The following JARID2 variants were observed in gnomAD, a reference collection of about 807,000 sequenced individuals.
The protein encoded by JARID2 is jumonji and AT-rich interaction domain containing 2.
Under a neutral mutation model 125.6 loss-of-function variants are expected in JARID2, and 21 were observed. The observed-to-expected ratio is 0.17, with a 90% confidence interval of 0.12 to 0.24. The LOEUF is 0.24. Ranked by LOEUF, JARID2 falls within the 10% of genes least tolerant of loss-of-function variation. The probability of loss-of-function intolerance (pLI) is 1.00; values close to 1 mark genes in which losing one functional copy is unlikely to be tolerated. For missense variants in JARID2, 1,303 were observed against 1,639.6 expected (o/e 0.79, Z 3.55); for synonymous variants, 736 against 661.6 (o/e 1.11, Z -1.73).
intron 1 of JARID2, among the ~76,000 whole-genome samples, chr6:15,290,432 T>G (rs794778): frequency 0.13 from 19,141 of 152,182 alleles, 1,221 homozygotes; most frequent in Non-Finnish European, 0.13. Context: ...AAAGTAGTCT[T>G]TGTTGAGGAT....
intron 1 of JARID2, among the ~76,000 whole-genome samples, chr6:15,323,986 T>G (rs1486831621): frequency 2.7e-5 from 4 of 150,626 alleles, no homozygotes; most frequent in African/African-American, 9.8e-5. Flanking sequence ...ATCGAGACCA[T>G]CCTGGCTAAC....
At position 15,496,405 on chromosome 6, in the gene JARID2, G is replaced by A. The variant is rs768784464; in HGVS notation, c.1180G>A (p.Gly394Arg). 18 of 1,613,710 alleles carry A rather than the reference G, an allele frequency of 1.1e-5. No individual in the cohort carries two copies. The highest frequency in any genetic ancestry group is 1.4e-5 in the Non-Finnish European group (16 of 1,179,872). ...AACCCGCAAACAGGTGCTATCCCTC[G>A]GGGGGGCGTCCAAGTCCACTGGGCC... ...AKTRKQVLSL[G>R]GASKSTGPAV... The change falls in exon 7 of 18, where the codon GGG becomes AGG. Residue 394 changes from glycine (G) to arginine (R), a missense_variant. Coordinates refer to ENST00000341776, the MANE Select transcript of JARID2 (RefSeq NM_004973.4).
intron 1 of JARID2, among the ~76,000 whole-genome samples, chr6:15,335,077 C>T (rs1378050440): frequency 1.3e-5 from 2 of 152,146 alleles, no homozygotes; most frequent in Admixed American, 1.3e-4. Flanking sequence ...ATATTCAGTC[C>T]ACACCCCTCT....
chr6:15,339,623 C>T (rs1763000395), intron 1 of JARID2, among the ~76,000 whole-genome samples: 1 of 151,166 alleles, frequency 6.6e-6, no homozygotes, highest in South Asian at 2.1e-4. Context: ...GCAACCTCTG[C>T]CTCCTGGGTT....
chr6:15,494,712 C>T (rs1489381934), intron 6 of JARID2, among the ~76,000 whole-genome samples: 2 of 152,164 alleles, frequency 1.3e-5, no homozygotes, highest in African/African-American at 2.4e-5. Flanking sequence ...TCATTCCATG[C>T]CCCACCCCCA....
At chr6:15,483,512 A>G (rs2127710628) in intron 5 of JARID2, among the ~76,000 whole-genome samples, 1 of 152,278 alleles carries the variant, frequency 6.6e-6, no homozygotes, top group East Asian at 1.9e-4. Flanking sequence ...CCATATTTTA[A>G]AAATATATTT....
Position 15,470,580 on chromosome 6 carries a change from T to C in JARID2, c.670+1862T>C, listed in dbSNP as rs568912568. On this transcript the variant is annotated intron_variant, in intron 5 of 17. Transcript: ENST00000341776. Reference sequence around the variant, plus strand: ...CTTGCCTCTTGCTTTTGATTGTGTTTAGGTGACACATCTGCATAGTAGAGG... The same window carrying C: ...CTTGCCTCTTGCTTTTGATTGTGTTCAGGTGACACATCTGCATAGTAGAGG... Among the ~76,000 whole-genome samples, 4 of 152,374 alleles carry C rather than the reference T, an allele frequency of 2.6e-5. No homozygotes were observed. In the East Asian group the frequency reaches 7.7e-4, roughly 29 times the overall value.
chr6:15,457,657 C>T (rs1174818000), intron 4 of JARID2, among the ~76,000 whole-genome samples: 3 of 144,052 alleles, frequency 2.1e-5, no homozygotes, highest in South Asian at 2.2e-4. Context: ...TTAATATTCT[C>T]GGCACTTCTT....
chr6:15,498,190 G>T (rs927611886), intron 7 of JARID2, among the ~76,000 whole-genome samples: 1 of 152,180 alleles, frequency 6.6e-6, no homozygotes, highest in African/African-American at 2.4e-5. Flanking sequence ...CTGAGCTTCA[G>T]TTTCTCTGGC....
intron 5 of JARID2, among the ~76,000 whole-genome samples, chr6:15,485,152 C>T (rs1234923388): frequency 6.6e-6 from 1 of 152,164 alleles, no homozygotes; most frequent in African/African-American, 2.4e-5. Flanking sequence ...TCTTGTGCAA[C>T]GTCGGATTGT....
chr6:15,482,649 T>A (rs1769677334), intron 5 of JARID2, among the ~76,000 whole-genome samples: 1 of 152,222 alleles, frequency 6.6e-6, no homozygotes, highest in African/African-American at 2.4e-5. Flanking sequence ...GGTTGATGTA[T>A]ATGAAGAAAA....
chr6:15,252,139 A>G (rs1055426246), intron 1 of JARID2, among the ~76,000 whole-genome samples: 9 of 152,176 alleles, frequency 5.9e-5, no homozygotes, highest in Admixed American at 2.0e-4. Context: ...CCTTTTAAGA[A>G]CCAAACTTCA....
At chr6:15,457,530 T>A (rs971277728) in intron 4 of JARID2, among the ~76,000 whole-genome samples, 3 of 151,972 alleles carry the variant, frequency 2.0e-5, no homozygotes, top group Non-Finnish European at 4.4e-5. Flanking sequence ...GGGAAGAAAG[T>A]CTGGCTGCAG....
chr6:15,459,532 A>T (rs978063528), intron 4 of JARID2, among the ~76,000 whole-genome samples: 1 of 152,182 alleles, frequency 6.6e-6, no homozygotes, highest in Admixed American at 6.5e-5. Flanking sequence ...AGTGTCTGAT[A>T]CAGAGGTCCA....
chr6:15,479,530 C>T (rs1056938109), intron 5 of JARID2, among the ~76,000 whole-genome samples: 1 of 152,188 alleles, frequency 6.6e-6, no homozygotes. Context: ...AATTTAAGTT[C>T]TTCTATAGAA....
chr6:15,409,427 A>G (rs1765786420), intron 2 of JARID2, among the ~76,000 whole-genome samples: 1 of 152,188 alleles, frequency 6.6e-6, no homozygotes, highest in Non-Finnish European at 1.5e-5. Context: ...TTATCAGTGG[A>G]AGCTTCTTGT....
At chr6:15,330,977 A>G (rs571182778) in intron 1 of JARID2, among the ~76,000 whole-genome samples, 3 of 152,302 alleles carry the variant, frequency 2.0e-5, no homozygotes, top group African/African-American at 7.2e-5. Flanking sequence ...CCTTAAGTAC[A>G]AGGACATCTC....
intron 1 of JARID2, among the ~76,000 whole-genome samples, chr6:15,331,583 G>C (rs1016475917): frequency 6.6e-6 from 1 of 151,666 alleles, no homozygotes; most frequent in Non-Finnish European, 1.5e-5. Flanking sequence ...GTACGGTGGG[G>C]GGCCGGGTGC....
At chr6:15,288,556 G>A (rs1326940913) in intron 1 of JARID2, among the ~76,000 whole-genome samples, 1 of 152,156 alleles carries the variant, frequency 6.6e-6, no homozygotes, top group Non-Finnish European at 1.5e-5. Context: ...CTTTGCAGTG[G>A]AATATAAGAT....
Sources: allele counts gnomAD v4.1 joint callset (sites outside exome capture counted in the v4.1 genomes callset), GRCh38; gene constraint gnomAD v4.1.1; transcripts MANE v1.5; gene names NCBI Gene and HGNC (gene_info 2026-07-23, HGNC 2026-07-21).